Variants in UNC80 observed in about 807,000 individuals in gnomAD.
UNC80 encodes the protein protein unc-80 homolog.
Under a neutral mutation model 384.6 loss-of-function variants are expected in UNC80, and 164 were observed. The observed-to-expected ratio is 0.43, with a 90% confidence interval of 0.38 to 0.49. UNC80 has a LOEUF of 0.49. UNC80 is among the 20% of genes least tolerant of loss of function. The pLI, the probability that UNC80 is intolerant of heterozygous loss-of-function variation, is 0.00. For missense variants in UNC80, 3,330 were observed against 4,143.0 expected, an observed-to-expected ratio of 0.80 and a Z score of 5.39; for synonymous variants, 1,486 against 1,527.8, an observed-to-expected ratio of 0.97 and a Z score of 0.64.
chr2:209,808,953 C>T (rs952852210), intron 7 of UNC80: 1 of 318,176 alleles, frequency 3.1e-6, no homozygotes, highest in South Asian at 2.7e-5. Context: ...TGCCAACACT[C>T]ATCTGGGACG....
chr2:209,917,961 G>A lies in UNC80; in HGVS notation c.5211+3G>A, dbSNP rs2089693844. 6.4e-7 allele frequency: 1 copy of A among 1,551,474 alleles called. No individual in the cohort carries two copies. Among genetic ancestry groups the A allele is most frequent in the Non-Finnish European group, 8.7e-7 (1 of 1,146,844 alleles). ...AAGGGGCACAGCAGATTTTTAAGGT[G>A]AGGGATACTTCTCACAGAGGAGTTA... On this transcript the variant is annotated splice_donor_region_variant and intron_variant, in intron 32 of 64. Transcript: ENST00000673920.
intron 7 of UNC80, among the ~76,000 whole-genome samples, chr2:209,803,692 G>C (rs2078700283): frequency 6.6e-6 from 1 of 151,788 alleles, no homozygotes; most frequent in Non-Finnish European, 1.5e-5. Context: ...ATAGTCACTG[G>C]CTTGGTTCAT....
intron 7 of UNC80, among the ~76,000 whole-genome samples, chr2:209,805,152 C>A (rs142363385): frequency 2.1e-3 from 316 of 152,260 alleles, no homozygotes; most frequent in Non-Finnish European, 4.0e-3. Flanking sequence ...TTAGAAGGCA[C>A]CTTCAACATT....
intron 23 of UNC80, among the ~76,000 whole-genome samples, chr2:209,877,101 C>A (rs2084848543): frequency 6.6e-6 from 1 of 152,112 alleles, no homozygotes; most frequent in Non-Finnish European, 1.5e-5. Flanking sequence ...TGTCAAACCC[C>A]AAGTTCAGTG....
chr2:209,840,140 A>C (rs1365362108), intron 19 of UNC80, among the ~76,000 whole-genome samples: 1 of 152,238 alleles, frequency 6.6e-6, no homozygotes, highest in African/African-American at 2.4e-5. Context: ...TGGAGGGAGC[A>C]TAAGTAGATA....
chr2:209,812,676 T>C (rs2079450811), intron 7 of UNC80, among the ~76,000 whole-genome samples: 2 of 151,994 alleles, frequency 1.3e-5, no homozygotes, highest in Non-Finnish European at 2.9e-5. Context: ...GTTCTAAGTT[T>C]ATATTTTGTC....
chr2:209,941,224 G>C lies in UNC80; in HGVS notation c.6650G>C (p.Gly2217Ala), dbSNP rs2091610602. ...EFSLFSDPQA[G>A]KELFGLDTLQ... Reference sequence around the variant, plus strand: ...CTGCTGTTTCATGTTCTCACAGCTGGAAAGGAACTGTTTGGCCTCGACACT... The same window carrying C: ...CTGCTGTTTCATGTTCTCACAGCTGCAAAGGAACTGTTTGGCCTCGACACT... Residue 2217 changes from glycine to alanine, a missense_variant, in exon 44 of 65, where the codon GGA (glycine) becomes GCA (alanine). Transcript: ENST00000673920. The C allele has an allele frequency of 1.3e-6, 2 of 1,505,214 alleles. No homozygotes were observed. Among genetic ancestry groups the C allele is most frequent in the African/African-American group, 1.4e-5 (1 of 72,420 alleles). 93.2% of individuals were successfully genotyped at this position (1,505,214 alleles called of 1,614,324 possible).
rs2153828432 is a variant in UNC80 at position 209,829,339 on chromosome 2, G to T, written c.2586G>T (p.Leu862Phe). 6.4e-7 allele frequency: 1 copy of T among 1,551,278 alleles called. No homozygotes were observed. Among genetic ancestry groups the T allele is most frequent in the Non-Finnish European group, 8.7e-7 (1 of 1,146,716 alleles). Reference sequence around the variant, plus strand: ...CTCTCAATAATGTAGTGGACTTCTTGCATGCTTTGCTAGGATTTTGTATGG... The same window carrying T: ...CTCTCAATAATGTAGTGGACTTCTTTCATGCTTTGCTAGGATTTTGTATGG... Reference protein sequence around the residue: ...KDSLNNVVDFLHALLGFCMEP... With the variant: ...KDSLNNVVDFFHALLGFCMEP... Residue 862 changes from leucine (L) to phenylalanine (F), a missense_variant, in exon 15 of 65, where the codon TTG (leucine) becomes TTT (phenylalanine). This residue lies in a region of UNC80 where 937 missense variants were observed against 1,026.8 expected (regional missense o/e 0.91). Transcript: ENST00000673920.
chr2:209,900,817 GTAAT>G (rs2087312657), intron 28 of UNC80, among the ~76,000 whole-genome samples: 1 of 152,202 alleles, frequency 6.6e-6, no homozygotes, highest in African/African-American at 2.4e-5. Context: ...GTGAAACAGT[GTAAT>G]TGCCGATATG....
At position 209,827,958 on chromosome 2, in the gene UNC80, T is replaced by C. The variant is rs141978826; in HGVS notation, c.2479-1274T>C. On this transcript the variant is annotated intron_variant, in intron 14 of 64. Coordinates refer to ENST00000673920, the MANE Select transcript of UNC80 (RefSeq NM_001371986.1). ...GAATTCATTTCTTAAAAGTTTTATA[T>C]CTTTTGAAGAAATTCAGGATATTCA... Among the ~76,000 whole-genome samples, 52 of 152,308 alleles carry C rather than the reference T, an allele frequency of 3.4e-4. 1 individual carries two copies. In the East Asian group the frequency reaches 9.5e-3, roughly 28 times the overall value.
Position 209,879,847 on chromosome 2 carries a change from A to G in UNC80, c.3977-1114A>G, listed in dbSNP as rs981996564. Among the ~76,000 whole-genome samples, 7 of 149,344 alleles carry G rather than the reference A, an allele frequency of 4.7e-5. No individual in the cohort carries two copies. The Middle Eastern group carries it at 0.01, about 218-fold the overall frequency. ...AAAGTCCCCGGCAACAAATTAACTC[A>G]GGAGAGAAAATGGTTTTCCTGAAAA... On this transcript the variant is annotated intron_variant, in intron 24 of 64. Coordinates refer to ENST00000673920, the MANE Select transcript of UNC80 (RefSeq NM_001371986.1).
At chr2:209,776,114 C>T in intron 3 of UNC80, 69 bp downstream of exon 3, 2 of 1,588,372 alleles carry the variant, frequency 1.3e-6, no homozygotes, top group East Asian at 2.2e-5. Context: ...TCATAATAAC[C>T]TGTACTGAGT....
intron 48 of UNC80, among the ~76,000 whole-genome samples, chr2:209,956,667 A>G (rs1028893101): frequency 2.0e-5 from 3 of 152,198 alleles, no homozygotes; most frequent in African/African-American, 7.2e-5. Flanking sequence ...GCAGCGCACC[A>G]GCATAGCATC....
Position 209,834,017 on chromosome 2 carries a change from A to C in UNC80, c.2791A>C (p.Ile931Leu). 1 of 1,551,688 alleles carries C rather than the reference A, an allele frequency of 6.4e-7. No individual in the cohort carries two copies. The highest frequency in any genetic ancestry group is 1.2e-5 in the South Asian group (1 of 84,052). Residue 931 changes from isoleucine to leucine, a missense_variant, in exon 17 of 65, where the codon ATT becomes CTT. Around this residue, in one of 8 missense-constraint regions of UNC80, gnomAD observed 937 missense variants for 1,026.8 expected, o/e 0.91. Coordinates refer to ENST00000673920, the MANE Select transcript of UNC80 (RefSeq NM_001371986.1). ...CTCCAAACAGGGACTGTATTGTGAC[A>C]TTCGTCAGCTGGTCCAGTTTATCAA... Reference protein sequence around the residue: ...SPENLGLYCDIRQLVQFIKEA... With the variant: ...SPENLGLYCDLRQLVQFIKEA...
rs1233208744 is a variant in UNC80 at position 209,840,607 on chromosome 2, A to G, written c.3316A>G (p.Ser1106Gly). The change falls in exon 20 of 65, where the codon AGC becomes GGC. Residue 1106 changes from serine to glycine, a missense_variant. Transcript: ENST00000673920. ...TGGTGTGGAGGACCTCCTGGACATT[A>G]GCTCTGTGGACCGACTCTCTTTCAT... ...ADGVEDLLDI[S>G]SVDRLSFIRQ... 2 of 1,552,042 alleles carry G rather than the reference A, an allele frequency of 1.3e-6. No homozygotes were observed. The highest frequency in any genetic ancestry group is 2.4e-5 in the South Asian group (2 of 84,054).
rs973558223 is a variant in UNC80 at position 209,854,403 on chromosome 2, A to G, written c.3627+4780A>G. On this transcript the variant is annotated intron_variant, in intron 22 of 64. Transcript: ENST00000673920. ...TTTATTCATTCACCTATTGATGGATACTTGGGTTGAATCTATGTCTTGGCT... is the reference window on the plus strand; with the variant it reads ...TTTATTCATTCACCTATTGATGGATGCTTGGGTTGAATCTATGTCTTGGCT... Among the ~76,000 whole-genome samples, 26 of 152,260 alleles carry G rather than the reference A, an allele frequency of 1.7e-4. No homozygotes were observed. The East Asian group carries it at 4.6e-3, about 27-fold the overall frequency.
intron 27 of UNC80, among the ~76,000 whole-genome samples, chr2:209,895,069 A>G (rs986581359): frequency 5.9e-5 from 9 of 152,236 alleles, no homozygotes; most frequent in African/African-American, 2.2e-4. Flanking sequence ...ATCAGTGTAC[A>G]GTCAAAGCAT....
At chr2:209,862,769 G>A (rs2083440871) in intron 22 of UNC80, among the ~76,000 whole-genome samples, 1 of 151,248 alleles carries the variant, frequency 6.6e-6, no homozygotes, top group African/African-American at 2.4e-5. Context: ...ACACTGATGG[G>A]TTTTGACTTT....
At chr2:209,867,712 T>C (rs1331195033) in intron 22 of UNC80, among the ~76,000 whole-genome samples, 1 of 152,164 alleles carries the variant, frequency 6.6e-6, no homozygotes, top group Non-Finnish European at 1.5e-5. Context: ...CCGGTCTCTC[T>C]ATAGTCAGCA....
Sources: gnomAD v4.1 joint callset for allele counts (sites outside exome capture counted in the v4.1 genomes callset) on GRCh38, gnomAD v4.1.1 for gene constraint, gnomAD v4.1.1 regional missense constraint, MANE v1.5 for transcripts, NCBI Gene and HGNC (gene_info 2026-07-23, HGNC 2026-07-21) for gene names.